PCK1: variants seen among roughly 807,000 people sequenced by gnomAD.
The protein encoded by PCK1 is phosphoenolpyruvate carboxykinase 1.
PCK1 carries 44 observed loss-of-function variants against 50.3 expected under a neutral mutation model. The observed-to-expected ratio is 0.87, with a 90% CI of 0.69 to 1.12. PCK1 has a LOEUF of 1.12. Among genes scored for constraint, PCK1 ranks in the 50% most tolerant of loss-of-function variants. PCK1 has a pLI of 0.00. For missense variants in PCK1, 790 were observed against 815.0 expected (o/e 0.97, Z 0.37); for synonymous variants, 332 against 314.3 (o/e 1.06, Z -0.59).
At position 57,567,347 on chromosome 20, in the gene PCK1, G is replaced by A. The variant is rs1203011934; in HGVS notation, c.*1543G>A. 1.3e-5 allele frequency: 2 copies of A among 152,020 alleles called. No homozygotes were observed. The highest frequency in any genetic ancestry group is 4.8e-5 in the African/African-American group (2 of 41,282). The allele number at this position is 152,020 out of a possible 1,614,324, so 9.4% of individuals were successfully genotyped here. The stretch of plus-strand genomic sequence containing the variant: ...AAGCTGAGATCACCCCAATTTTACA[G>A]GTGAGGAAACTGAGGTCAAGCTAGG... On this transcript the variant is annotated 3_prime_UTR_variant, in exon 10 of 10. Coordinates refer to ENST00000319441, the MANE Select transcript of PCK1 (RefSeq NM_002591.4).
In PCK1 at chr20:57,564,281, C is replaced by T; in HGVS notation, c.1074C>T (p.Thr358=). 2 of 1,614,082 alleles carry T rather than the reference C, an allele frequency of 1.2e-6. No individual in the cohort carries two copies. The highest frequency in any genetic ancestry group is 1.7e-6 in the Non-Finnish European group (2 of 1,179,964). ...CCATCCAGAAGAACACAATCTTTAC[C>T]AATGTGGCCGAGACCAGCGACGGGG... The part of the protein sequence containing the change: ...IKTIQKNTIF[T]NVAETSDGGV... The change falls in exon 7 of 10, where the codon ACC becomes ACT. Residue 358 remains threonine, a synonymous_variant. Coordinates refer to ENST00000319441, the MANE Select transcript of PCK1 (RefSeq NM_002591.4).
At chr20:57,564,868 T>G (rs1275633490) in intron 8 of PCK1, 172 bp from the exon 9 acceptor site, 1 of 645,256 alleles carries the variant, frequency 1.5e-6, no homozygotes, top group Non-Finnish European at 2.7e-6. Flanking sequence ...GCCTCAGTCA[T>G]GTAACTTTGA....
In PCK1 at chr20:57,564,214, C is replaced by T. The variant is rs2146529348; in HGVS notation, c.1007C>T (p.Ala336Val). 1 of 1,613,964 alleles carries T rather than the reference C, an allele frequency of 6.2e-7. No homozygotes were observed. The highest frequency in any genetic ancestry group is 1.1e-5 in the South Asian group (1 of 91,050). The change falls in exon 7 of 10, where the codon GCT (alanine) becomes GTT (valine). Residue 336 changes from alanine to valine, a missense_variant. By Grantham distance (64) the Ala-to-Val change is moderately conservative. Coordinates refer to ENST00000319441, the MANE Select transcript of PCK1 (RefSeq NM_002591.4). ...INPENGFFGV[A>V]PGTSVKTNPN... ...CCAGAAAATGGCTTTTTCGGTGTCG[C>T]TCCTGGGACTTCAGTGAAGACCAAC... is the stretch of plus-strand genomic sequence containing the variant.
In PCK1 at chr20:57,565,117, G is replaced by A; in HGVS notation, c.1396G>A (p.Ala466Thr). 1 of 1,613,894 alleles carries A rather than the reference G, an allele frequency of 6.2e-7. No homozygotes were observed. The highest frequency in any genetic ancestry group is 8.5e-7 in the Non-Finnish European group (1 of 1,179,782). The change falls in exon 9 of 10, where the codon GCG becomes ACG. Residue 466 changes from alanine to threonine, a missense_variant. Transcript: ENST00000319441. ...VGAAMRSEAT[A>T]AAEHKGKIIM... ...GGCGGCCATGAGATCAGAGGCCACAGCGGCTGCAGAACATAAAGGTAAATC... is the reference window on the plus strand; with the variant it reads ...GGCGGCCATGAGATCAGAGGCCACAACGGCTGCAGAACATAAAGGTAAATC...
intron 8 of PCK1, 72 bp downstream of exon 8, chr20:57,564,685 CT>C (rs1015603090): frequency 1.0e-5 from 14 of 1,362,680 alleles, no homozygotes; most frequent in Non-Finnish European, 1.4e-5. Context: ...GAAATCTCTC[CT>C]TTTCCATGAC....
chr20:57,563,520 G>A (rs1220210329), intron 5 of PCK1, 45 bp from the exon 6 acceptor site: 3 of 1,419,206 alleles, frequency 2.1e-6, no homozygotes, highest in African/African-American at 2.8e-5. Flanking sequence ...CCAACCTCGG[G>A]GAGAAGGAAA....
Position 57,561,623 on chromosome 20 carries a change from A to C in PCK1, c.212A>C (p.Lys71Thr). The C allele has an allele frequency of 6.2e-7, 1 of 1,611,114 alleles. No individual in the cohort carries two copies. The highest frequency in any genetic ancestry group is 8.5e-7 in the Non-Finnish European group (1 of 1,178,482). The change falls in exon 2 of 10, where the codon AAG becomes ACG. Residue 71 changes from lysine to threonine, a missense_variant. Transcript: ENST00000319441. Reference protein sequence around the residue: ...EEEGILRRLKKYDNCWLALTD... With the variant: ...EEEGILRRLKTYDNCWLALTD... Reference sequence around the variant, plus strand: ...GAGGGCATCCTCAGGCGGCTGAAGAAGTATGACAACTGGTAAGCTCGGCCC... The same window carrying C: ...GAGGGCATCCTCAGGCGGCTGAAGACGTATGACAACTGGTAAGCTCGGCCC...
Position 57,567,866 on chromosome 20 carries a change from A to G in PCK1, c.*2062A>G. 1 of 152,548 alleles carries G rather than the reference A, an allele frequency of 6.6e-6. No individual in the cohort carries two copies. The highest frequency in any genetic ancestry group is 1.5e-5 in the Non-Finnish European group (1 of 68,190). The allele number at this position is 152,548 out of a possible 1,614,324, so 9.4% of individuals were successfully genotyped here. Reference sequence around the variant, plus strand: ...ATTCCCTCCCCTCCTGCACAGCATCAGCCACCTGGCAAGCAGTCTCACATA... The same window carrying G: ...ATTCCCTCCCCTCCTGCACAGCATCGGCCACCTGGCAAGCAGTCTCACATA... On this transcript the variant is annotated 3_prime_UTR_variant, in exon 10 of 10. Coordinates refer to ENST00000319441, the MANE Select transcript of PCK1 (RefSeq NM_002591.4).
rs1171365893 is a variant in PCK1 at position 57,562,237 on chromosome 20, C to T, written c.391C>T (p.Pro131Ser). The change falls in exon 3 of 10, where the codon CCA (proline) becomes TCA (serine). Residue 131 changes from proline (P) to serine (S), a missense_variant. Physicochemically the swap from Pro to Ser is moderately conservative, Grantham distance 74 (BLOSUM62 -1). Transcript: ENST00000319441. The stretch of plus-strand genomic sequence containing the variant: ...TGAGAAAGCGTTCAATGCCAGGTTC[C>T]CAGGGTGCATGAAAGGTGAGCGGAA... The part of the protein sequence containing the change: ...DFEKAFNARF[P>S]GCMKGRTMYV... 19 of 1,613,898 alleles carry T rather than the reference C, an allele frequency of 1.2e-5. No homozygotes were observed. Among genetic ancestry groups the T allele is most frequent in the Non-Finnish European group, 1.5e-5 (18 of 1,179,988 alleles).
chr20:57,564,506 C>A lies in PCK1; in HGVS notation c.1211C>A (p.Ser404Ter). ...GGGGAACCTTGTGCCCACCCCAACT[C>A]GAGGTTCTGCACCCCTGCCAGCCAG... is the stretch of plus-strand genomic sequence containing the variant. ...EDGEPCAHPN[S>*]RFCTPASQCP... The change falls in exon 8 of 10, where the codon TCG becomes TAG. Residue 404 changes from serine to a stop codon, truncating the protein, a stop_gained. Coordinates refer to ENST00000319441, the MANE Select transcript of PCK1 (RefSeq NM_002591.4). LOFTEE classifies it high-confidence loss of function. 6.2e-7 allele frequency: 1 copy of A among 1,614,172 alleles called. No individual in the cohort carries two copies. The highest frequency in any genetic ancestry group is 8.5e-7 in the Non-Finnish European group (1 of 1,180,014).
Position 57,562,164 on chromosome 20 carries a change from C to T in PCK1, c.318C>T (p.Pro106=), listed in dbSNP as rs751977931. 1.9e-6 allele frequency: 3 copies of T among 1,614,124 alleles called. No individual in the cohort carries two copies. Among genetic ancestry groups the T allele is most frequent in the South Asian group, 1.1e-5 (1 of 91,072 alleles). ...TQEQRDTVPI[P]KTGLSQLGRW... is the part of the protein sequence containing the mutation. ...AGCAAAGAGACACAGTGCCCATCCCCAAAACAGGCCTCAGCCAGCTCGGTC... is the reference window on the plus strand; with the variant it reads ...AGCAAAGAGACACAGTGCCCATCCCTAAAACAGGCCTCAGCCAGCTCGGTC... The change falls in exon 3 of 10, where the codon CCC becomes CCT. Residue 106 remains proline, a synonymous_variant. Transcript: ENST00000319441.
chr20:57,561,530 CT>C lies in PCK1; in HGVS notation c.120del (p.Asp41IlefsTer29), dbSNP rs1568907484. 6.2e-7 allele frequency: 1 copy of C among 1,613,704 alleles called. No individual in the cohort carries two copies. The highest frequency in any genetic ancestry group is 8.5e-7 in the Non-Finnish European group (1 of 1,179,642). On this transcript the variant is annotated frameshift_variant, in exon 2 of 10. Transcript: ENST00000319441. LOFTEE classifies it high-confidence loss of function. ...GAGAATAACGCTGAGCTGTGTCAGC[CT>C]GATCACATCCACATCTGTGACGGCT... ...FLENNAELCQ[P>X]DHIHICDGSE...
chr20:57,562,731 C>T lies in PCK1; in HGVS notation c.442C>T (p.Pro148Ser), dbSNP rs748977083. 1 of 1,613,996 alleles carries T rather than the reference C, an allele frequency of 6.2e-7. No individual in the cohort carries two copies. Among genetic ancestry groups the T allele is most frequent in the Non-Finnish European group, 8.5e-7 (1 of 1,179,942 alleles). Residue 148 changes from proline (P) to serine (S), a missense_variant, in exon 4 of 10, where the codon CCG becomes TCG. Transcript: ENST00000319441. Reference sequence around the variant, plus strand: ...GTACGTCATCCCATTCAGCATGGGGCCGCTGGGCTCGCCTCTGTCAAAGAT... The same window carrying T: ...GTACGTCATCCCATTCAGCATGGGGTCGCTGGGCTCGCCTCTGTCAAAGAT... ...TMYVIPFSMG[P>S]LGSPLSKIGI... is the part of the protein sequence containing the mutation.
Position 57,565,649 on chromosome 20 carries a change from A to G in PCK1, c.1714A>G (p.Ile572Val), listed in dbSNP as rs1478309756. 5 of 1,614,050 alleles carry G rather than the reference A, an allele frequency of 3.1e-6. No individual in the cohort carries two copies. The highest frequency in any genetic ancestry group is 2.7e-5 in the African/African-American group (2 of 74,938). ...CCTGAACCTGAAAGGCCTGGGGCAC[A>G]TCAACATGATGGAGCTTTTCAGCAT... is the stretch of plus-strand genomic sequence containing the variant. ...DALNLKGLGH[I>V]NMMELFSISK... Residue 572 changes from isoleucine (I) to valine (V), a missense_variant, in exon 10 of 10, where the codon ATC becomes GTC. Coordinates refer to ENST00000319441, the MANE Select transcript of PCK1 (RefSeq NM_002591.4).
rs771162629 is a variant in PCK1, at chr20:57,564,261, C to A, written c.1054C>A (p.Gln352Lys). ...CAACCCCAATGCCATCAAGACCATC[C>A]AGAAGAACACAATCTTTACCAATGT... ...KTNPNAIKTIQKNTIFTNVAE... is the reference protein window; with the variant it reads ...KTNPNAIKTIKKNTIFTNVAE... The change falls in exon 7 of 10, where the codon CAG (glutamine) becomes AAG (lysine). Residue 352 changes from glutamine (Q) to lysine (K), a missense_variant. Gln to Lys is a moderately conservative substitution (Grantham distance 53, BLOSUM62 1). Coordinates refer to ENST00000319441, the MANE Select transcript of PCK1 (RefSeq NM_002591.4). 1 of 1,614,116 alleles carries A rather than the reference C, an allele frequency of 6.2e-7. No individual in the cohort carries two copies. The highest frequency in any genetic ancestry group is 1.1e-5 in the South Asian group (1 of 91,078).
At position 57,563,211 on chromosome 20, in the gene PCK1, T is replaced by C. The variant is rs141761035; in HGVS notation, c.794T>C (p.Met265Thr). The change falls in exon 5 of 10, where the codon ATG becomes ACG. Residue 265 changes from methionine (M) to threonine (T), a missense_variant. Met to Thr is a moderately conservative substitution (Grantham distance 81, BLOSUM62 -1). Coordinates refer to ENST00000319441, the MANE Select transcript of PCK1 (RefSeq NM_002591.4). ...GAGGAAGGGTGGCTGGCAGAGCACA[T>C]GCTGGTGAGCCTGCAGGAAGCCCTG... ...AKEEGWLAEH[M>T]LILGITNPEG... 17 of 1,613,364 alleles carry C rather than the reference T, an allele frequency of 1.1e-5. No homozygotes were observed. The highest frequency in any genetic ancestry group is 1.4e-5 in the Non-Finnish European group (17 of 1,179,944).
rs764002893 is a variant in PCK1 at position 57,562,763 on chromosome 20, C to T, written c.474C>T (p.Ile158=). The change falls in exon 4 of 10, where the codon ATC becomes ATT. Residue 158 remains isoleucine (I), a synonymous_variant. Transcript: ENST00000319441. ...PLGSPLSKIG[I]ELTDSPYVVA... is the part of the protein sequence containing the mutation. ...GCTCGCCTCTGTCAAAGATCGGCAT[C>T]GAGCTGACGGATTCACCCTACGTGG... 2.1e-5 allele frequency: 34 copies of T among 1,613,988 alleles called. No individual in the cohort carries two copies. Among genetic ancestry groups the T allele is most frequent in the South Asian group, 6.6e-5 (6 of 91,082 alleles).
chr20:57,563,920 C>CA lies in PCK1; in HGVS notation c.961+194dup. On this transcript the variant is annotated intron_variant, in intron 6 of 9. Transcript: ENST00000319441. ...TATTCAATCTGGATTGAAACTGGGC[C>CA]ATATGTTGCTGTTTGTTTACATACA... The CA allele has an allele frequency of 9.7e-6, 6 of 617,504 alleles. No homozygotes were observed. In the South Asian group the frequency reaches 1.2e-4, roughly 13 times the overall value. 38.3% of individuals were successfully genotyped at this position (617,504 alleles called of 1,614,324 possible).
rs1445520250 is a variant in PCK1, at chr20:57,561,373, T to C, written c.-39T>C. ...GGACGCTTGCGTTTTCTATTTCAGG[T>C]GACCTCACATTCGTGCCCCTTAGCA... is the stretch of plus-strand genomic sequence containing the variant. On this transcript the variant is annotated splice_region_variant and 5_prime_UTR_variant, in exon 2 of 10. Transcript: ENST00000319441. 4 of 1,324,196 alleles carry C rather than the reference T, an allele frequency of 3.0e-6. No homozygotes were observed. The highest frequency in any genetic ancestry group is 2.3e-5 in the East Asian group (1 of 43,210). 82.0% of individuals were successfully genotyped at this position (1,324,196 alleles called of 1,614,324 possible).
Sources: gnomAD v4.1 joint callset for allele counts on GRCh38, gnomAD v4.1.1 for gene constraint, MANE v1.5 for transcripts, NCBI Gene and HGNC (gene_info 2026-07-23, HGNC 2026-07-21) for gene names.